The following RUNDC3B variants were observed in gnomAD, a reference collection of about 807,000 sequenced individuals.
RUNDC3B encodes the protein RUN domain containing 3B, also known as RUN domain-containing protein 3B.
RUNDC3B carries 33 observed loss-of-function variants against 58.4 expected under a neutral mutation model. That is an observed-to-expected ratio of 0.56 (90% CI 0.43 to 0.75). RUNDC3B has a LOEUF of 0.75. Ranked by LOEUF, RUNDC3B falls within the 30% of genes least tolerant of loss-of-function variation. The pLI is 0.00. For missense variants in RUNDC3B, 501 were observed against 535.7 expected (o/e 0.94, Z 0.64); for synonymous variants, 193 against 195.2 (o/e 0.99, Z 0.10).
intron 8 of RUNDC3B, among the ~76,000 whole-genome samples, chr7:87,781,915 C>T (rs546766648): frequency 7.5e-4 from 114 of 152,048 alleles, no homozygotes; most frequent in African/African-American, 2.6e-3. Context: ...TTTCCTCTAT[C>T]TTCATTAGGG....
chr7:87,756,666 C>T (rs1833392086), intron 6 of RUNDC3B, among the ~76,000 whole-genome samples: 1 of 151,668 alleles, frequency 6.6e-6, no homozygotes. Flanking sequence ...TTCTATATAC[C>T]ATATTCCATC....
chr7:87,677,322 AC>A (rs1200342917), intron 2 of RUNDC3B, among the ~76,000 whole-genome samples: 6 of 148,888 alleles, frequency 4.0e-5, no homozygotes, highest in Non-Finnish European at 8.9e-5. Context: ...ACAATGGAAT[AC>A]CATTTCAGAT....
chr7:87,727,017 A>G (rs944665299), intron 4 of RUNDC3B, among the ~76,000 whole-genome samples: 22 of 152,268 alleles, frequency 1.4e-4, no homozygotes, highest in African/African-American at 5.1e-4. Context: ...TAAATATACA[A>G]TCATGTCATC....
intron 10 of RUNDC3B, among the ~76,000 whole-genome samples, chr7:87,822,965 C>A (rs1584292823): frequency 6.6e-6 from 1 of 151,878 alleles, no homozygotes; most frequent in African/African-American, 2.4e-5. Context: ...GTGCAGCACA[C>A]CAACATGGCA....
intron 8 of RUNDC3B, among the ~76,000 whole-genome samples, chr7:87,803,407 G>C (rs973431541): frequency 3.3e-5 from 5 of 152,144 alleles, no homozygotes; most frequent in African/African-American, 1.2e-4. Context: ...TATATTTATA[G>C]ATCACATGAA....
intron 8 of RUNDC3B, among the ~76,000 whole-genome samples, chr7:87,799,478 A>G (rs748767041): frequency 6.6e-6 from 1 of 152,006 alleles, no homozygotes; most frequent in Non-Finnish European, 1.5e-5. Flanking sequence ...ATAAAATTCT[A>G]TATTACTATA....
At chr7:87,673,215 A>G (rs562679635) in intron 2 of RUNDC3B, among the ~76,000 whole-genome samples, 3 of 152,216 alleles carry the variant, frequency 2.0e-5, no homozygotes, top group Non-Finnish European at 2.9e-5. Context: ...GTCATCTTGT[A>G]TAGTATTTTG....
intron 1 of RUNDC3B, among the ~76,000 whole-genome samples, chr7:87,647,382 C>T (rs1823114387): frequency 6.6e-6 from 1 of 152,050 alleles, no homozygotes; most frequent in Non-Finnish European, 1.5e-5. Flanking sequence ...TTTCCAGAAG[C>T]TACATAATGT....
intron 4 of RUNDC3B, among the ~76,000 whole-genome samples, chr7:87,729,176 A>T (rs116965942): frequency 6.6e-6 from 1 of 152,136 alleles, no homozygotes; most frequent in African/African-American, 2.4e-5. Context: ...GTGGGGCAAG[A>T]TGGATGAAAA....
chr7:87,752,882 C>T (rs1833106852), intron 6 of RUNDC3B, among the ~76,000 whole-genome samples: 2 of 151,524 alleles, frequency 1.3e-5, no homozygotes, highest in African/African-American at 4.8e-5. Context: ...TCCTTCAGTT[C>T]TGCTCTGATT....
chr7:87,785,763 A>G (rs904299212), intron 8 of RUNDC3B, among the ~76,000 whole-genome samples: 28 of 152,084 alleles, frequency 1.8e-4, no homozygotes, highest in African/African-American at 6.8e-4. Flanking sequence ...ATGGGAACCT[A>G]TGGTTGCCTT....
chr7:87,781,932 G>A (rs981661166), intron 8 of RUNDC3B, among the ~76,000 whole-genome samples: 2 of 151,928 alleles, frequency 1.3e-5, no homozygotes, highest in African/African-American at 4.8e-5. Flanking sequence ...AGGGATACTG[G>A]CCTATAGTTT....
At chr7:87,822,274 A>G (rs1012481761) in intron 10 of RUNDC3B, among the ~76,000 whole-genome samples, 4 of 152,188 alleles carry the variant, frequency 2.6e-5, no homozygotes, top group African/African-American at 9.7e-5. Flanking sequence ...GCAGCCAAAA[A>G]ACACATGAAA....
At chr7:87,685,049 A>G (rs1480989335) in intron 2 of RUNDC3B, among the ~76,000 whole-genome samples, 1 of 152,172 alleles carries the variant, frequency 6.6e-6, no homozygotes, top group Non-Finnish European at 1.5e-5. Flanking sequence ...TTTAGATATA[A>G]CAACAAAAGT....
chr7:87,761,753 C>G (rs1191820993), intron 6 of RUNDC3B, among the ~76,000 whole-genome samples: 2 of 151,798 alleles, frequency 1.3e-5, no homozygotes, highest in East Asian at 3.9e-4. Flanking sequence ...CCCAAAAGTA[C>G]ACTTTGTGTT....
intron 6 of RUNDC3B, among the ~76,000 whole-genome samples, chr7:87,764,393 T>C (rs1833862703): frequency 6.6e-6 from 1 of 151,880 alleles, no homozygotes; most frequent in Non-Finnish European, 1.5e-5. Flanking sequence ...AATAAATATC[T>C]TTATTCTTGA....
chr7:87,701,437 G>A (rs1829025506), intron 3 of RUNDC3B, among the ~76,000 whole-genome samples: 3 of 152,242 alleles, frequency 2.0e-5, no homozygotes, highest in South Asian at 4.2e-4. Context: ...CATTGATGTT[G>A]ATATCAACAA....
chr7:87,769,869 A>G (rs1228412566), intron 6 of RUNDC3B, among the ~76,000 whole-genome samples: 4 of 152,008 alleles, frequency 2.6e-5, no homozygotes, highest in Non-Finnish European at 5.9e-5. Flanking sequence ...ATTAACACCA[A>G]TATTTTTCTT....
intron 8 of RUNDC3B, among the ~76,000 whole-genome samples, chr7:87,797,648 A>G (rs1835886970): frequency 6.6e-6 from 1 of 152,204 alleles, no homozygotes; most frequent in African/African-American, 2.4e-5. Context: ...GGAATTAACT[A>G]TAAAGAAGAA....
Sources: gnomAD v4.1 joint callset for allele counts (sites outside exome capture counted in the v4.1 genomes callset) on GRCh38, gnomAD v4.1.1 for gene constraint, MANE v1.5 for transcripts, NCBI Gene and HGNC (gene_info 2026-07-23, HGNC 2026-07-21) for gene names.